Variants in EPB41L3 observed in about 807,000 individuals in gnomAD.
The protein encoded by EPB41L3 is band 4.1-like protein 3.
In EPB41L3, 57 loss-of-function variants were observed where a neutral mutation model predicts 127.1. The ratio of observed to expected loss-of-function variants is 0.45; its 90% CI spans 0.36 to 0.56. EPB41L3 has a LOEUF of 0.56. Ranked by LOEUF, EPB41L3 falls within the 20% of genes least tolerant of loss-of-function variation. EPB41L3 has a pLI of 0.00. For synonymous variants in EPB41L3, 572 were observed against 549.5 expected (o/e 1.04, Z -0.57); for missense variants, 1,273 against 1,372.2 (o/e 0.93, Z 1.14).
intron 1 of EPB41L3, chr18:5,540,311 T>C (rs561041522): frequency 1.0e-6 from 1 of 977,308 alleles, no homozygotes; most frequent in African/African-American, 1.7e-5. Flanking sequence ...CTTATATTCA[T>C]TTACACCTTT....
intron 3 of EPB41L3, among the ~76,000 whole-genome samples, chr18:5,457,940 T>C (rs2083374375): frequency 6.6e-6 from 1 of 152,164 alleles, no homozygotes; most frequent in Non-Finnish European, 1.5e-5. Flanking sequence ...TTTGTTTGTA[T>C]TAGAATTTGA....
rs2080780653 is a variant in EPB41L3, at chr18:5,441,620, CAT to C, written c.529+2216_529+2217del. On this transcript the variant is annotated intron_variant, in intron 5 of 22. Coordinates refer to ENST00000341928, the MANE Select transcript of EPB41L3 (RefSeq NM_012307.5). ...AGCTGGGACTACAGGCGCACGCCAC[CAT>C]GCCCGGCTAATTTTTGTATTTTTAG... is the stretch of plus-strand genomic sequence containing the variant. Among the ~76,000 whole-genome samples, 17 of 152,290 alleles carry C rather than the reference CAT, an allele frequency of 1.1e-4. No homozygotes were observed. In the South Asian group the frequency reaches 1.9e-3, roughly 17 times the overall value.
At chr18:5,553,694 G>T (rs768670116) in intron 3 of EPB41L3, among the ~76,000 whole-genome samples, 1 of 152,166 alleles carries the variant, frequency 6.6e-6, no homozygotes, top group East Asian at 1.9e-4. Context: ...ACTTCTCACT[G>T]CACCTGCCTC....
chr18:5,457,961 G>T (rs937622671), intron 3 of EPB41L3, among the ~76,000 whole-genome samples: 1 of 152,066 alleles, frequency 6.6e-6, no homozygotes, highest in Non-Finnish European at 1.5e-5. Context: ...GTTGTGGTCG[G>T]GGTAGCCTAC....
chr18:5,533,641 G>A (rs1361140252), intron 1 of EPB41L3, among the ~76,000 whole-genome samples: 2 of 152,076 alleles, frequency 1.3e-5, no homozygotes, highest in Admixed American at 1.3e-4. Flanking sequence ...CTTCTTCAAG[G>A]CCATTTTACT....
intron 3 of EPB41L3, among the ~76,000 whole-genome samples, chr18:5,453,803 T>C (rs748644902): frequency 6.6e-6 from 1 of 152,210 alleles, no homozygotes; most frequent in Admixed American, 6.5e-5. Flanking sequence ...ACAGCAGGCA[T>C]TCGATCTATG....
At chr18:5,427,894 T>C (rs1194026642) in intron 9 of EPB41L3, among the ~76,000 whole-genome samples, 1 of 152,044 alleles carries the variant, frequency 6.6e-6, no homozygotes, top group Non-Finnish European at 1.5e-5. Context: ...TATAGGCACC[T>C]GCCACTACGC....
At chr18:5,406,536 C>A (rs930468259) in intron 16 of EPB41L3, among the ~76,000 whole-genome samples, 1 of 152,148 alleles carries the variant, frequency 6.6e-6, no homozygotes, top group Admixed American at 6.5e-5. Flanking sequence ...TGATTTTTCA[C>A]GATAGTCTCC....
At chr18:5,404,470 C>T (rs1325677458) in intron 16 of EPB41L3, among the ~76,000 whole-genome samples, 2 of 152,140 alleles carry the variant, frequency 1.3e-5, no homozygotes, top group African/African-American at 4.8e-5. Flanking sequence ...TGAAAAAATC[C>T]TTTCCTGGCG....
Position 5,438,097 on chromosome 18 carries a change from G to T in EPB41L3, c.543C>A (p.His181Gln), listed in dbSNP as rs1035835056. 1 of 1,613,682 alleles carries T rather than the reference G, an allele frequency of 6.2e-7. No individual in the cohort carries two copies. Among genetic ancestry groups the T allele is most frequent in the Non-Finnish European group, 8.5e-7 (1 of 1,179,890 alleles). ...GATAAAATTTCACATTAAATGAAAA[G>T]TGCCAAGCACCACCTGCAAGGATGG... is the stretch of plus-strand genomic sequence containing the variant. ...IKKQVRSGAW[H>Q]FSFNVKFYPP... Residue 181 changes from histidine to glutamine, a missense_variant, in exon 6 of 23, where the codon CAC becomes CAA. His to Gln is a conservative substitution (Grantham distance 24). Transcript: ENST00000341928.
At chr18:5,443,430 A>G (rs1045011303) in intron 5 of EPB41L3, among the ~76,000 whole-genome samples, 1 of 152,252 alleles carries the variant, frequency 6.6e-6, no homozygotes, top group Admixed American at 6.5e-5. Context: ...TCAGGGGACC[A>G]GGAAAAGAGG....
intron 3 of EPB41L3, among the ~76,000 whole-genome samples, chr18:5,566,757 CT>C (rs1439620024): frequency 7.1e-6 from 1 of 141,070 alleles, no homozygotes; most frequent in East Asian, 2.2e-4. Context: ...CTATTCTATT[CT>C]ATTCTATTCT....
intron 1 of EPB41L3, among the ~76,000 whole-genome samples, chr18:5,511,687 G>A (rs997191363): frequency 1.1e-4 from 16 of 150,434 alleles, no homozygotes; most frequent in African/African-American, 3.4e-4. Context: ...CCTTCCAGAC[G>A]CATACAGACA....
intron 3 of EPB41L3, among the ~76,000 whole-genome samples, chr18:5,582,778 G>A (rs1026288964): frequency 2.0e-5 from 3 of 152,180 alleles, no homozygotes; most frequent in Admixed American, 6.5e-5. Flanking sequence ...CATTTTCACT[G>A]TAAATATTTT....
intron 7 of EPB41L3, 122 bp from the exon 8 acceptor site, chr18:5,433,678 G>C: frequency 1.1e-6 from 1 of 928,806 alleles, no homozygotes; most frequent in South Asian, 1.6e-5. Context: ...AGATACATGA[G>C]AAAAGAATAA....
Position 5,489,309 on chromosome 18 carries a change from A to C in EPB41L3, c.-11-115T>G, listed in dbSNP as rs561285350. 2.2e-5 allele frequency: 27 copies of C among 1,222,444 alleles called. No homozygotes were observed. The African/African-American group carries it at 4.3e-4, about 19-fold the overall frequency. 75.7% of individuals were successfully genotyped at this position (1,222,444 alleles called of 1,614,324 possible). ...AGAGAACCACAGAGAGGGAGATGCT[A>C]CCAAACCCCATCCTATTCCACACAC... On this transcript the variant is annotated intron_variant, in intron 1 of 22. Transcript: ENST00000341928.
In EPB41L3 at chr18:5,393,284, G is replaced by A. The variant is rs1424279695; in HGVS notation, c.*201C>T. 8.7e-6 allele frequency: 4 copies of A among 460,108 alleles called. No homozygotes were observed. Among genetic ancestry groups the A allele is most frequent in the Non-Finnish European group, 1.5e-5 (4 of 260,226 alleles). The allele number at this position is 460,108 out of a possible 1,614,324, so 28.5% of individuals were successfully genotyped here. On this transcript the variant is annotated 3_prime_UTR_variant, in exon 23 of 23. Coordinates refer to ENST00000341928, the MANE Select transcript of EPB41L3 (RefSeq NM_012307.5). ...TTGCTTCATGCATTATCGGTTTAGT[G>A]ATGCTGAATCAGATTGCTTTATTAT...
At chr18:5,443,360 A>G (rs1251348536) in intron 5 of EPB41L3, among the ~76,000 whole-genome samples, 1 of 152,214 alleles carries the variant, frequency 6.6e-6, no homozygotes, top group Non-Finnish European at 1.5e-5. Flanking sequence ...TGTATTTTAA[A>G]TTTGTGACTT....
intron 13 of EPB41L3, among the ~76,000 whole-genome samples, chr18:5,412,662 A>G (rs1383152264): frequency 6.6e-6 from 1 of 152,184 alleles, no homozygotes; most frequent in East Asian, 1.9e-4. Context: ...GCATTTTAGC[A>G]TTAGGGGACA....
Sources: allele counts gnomAD v4.1 joint callset (sites outside exome capture counted in the v4.1 genomes callset), GRCh38; gene constraint gnomAD v4.1.1; transcripts MANE v1.5; gene names NCBI Gene and HGNC (gene_info 2026-07-23, HGNC 2026-07-21).